Variants in KCNT2 observed in about 807,000 individuals in gnomAD.
KCNT2 encodes potassium channel subfamily T member 2.
A neutral mutation model predicts 153.8 loss-of-function variants in KCNT2; 67 were observed. That is an observed-to-expected ratio of 0.44 (90% CI 0.36 to 0.53). KCNT2 has a LOEUF of 0.53. Ranked by LOEUF, KCNT2 falls within the 20% of genes least tolerant of loss-of-function variation. KCNT2 has a pLI of 0.00. For synonymous variants in KCNT2, 500 were observed against 458.8 expected (o/e 1.09, Z -1.15); for missense variants, 975 against 1,354.8 (o/e 0.72, Z 4.40).
At chr1:196,283,192 C>T (rs184479771) in intron 23 of KCNT2, among the ~76,000 whole-genome samples, 45 of 152,254 alleles carry the variant, frequency 3.0e-4, no homozygotes, top group Admixed American at 1.4e-3. Context: ...GCCTGTAATC[C>T]CAGCACTCTG....
At chr1:196,384,822 T>A (rs1158013915) in intron 13 of KCNT2, among the ~76,000 whole-genome samples, 1 of 152,004 alleles carries the variant, frequency 6.6e-6, no homozygotes, top group Non-Finnish European at 1.5e-5. Flanking sequence ...ATCCCTTGAA[T>A]TAGGCATTTA....
At chr1:196,607,920 C>A (rs1481449685) in intron 1 of KCNT2, among the ~76,000 whole-genome samples, 1 of 152,026 alleles carries the variant, frequency 6.6e-6, no homozygotes, top group African/African-American at 2.4e-5. Flanking sequence ...CTGATACCAG[C>A]CTTATACACA....
At chr1:196,578,894 A>G (rs947933644) in intron 1 of KCNT2, among the ~76,000 whole-genome samples, 1 of 152,150 alleles carries the variant, frequency 6.6e-6, no homozygotes, top group Non-Finnish European at 1.5e-5. Context: ...AGTTTATTAT[A>G]AAGACTTTAT....
At chr1:196,525,959 G>C (rs1654127448) in intron 1 of KCNT2, among the ~76,000 whole-genome samples, 1 of 151,702 alleles carries the variant, frequency 6.6e-6, no homozygotes, top group South Asian at 2.1e-4. Flanking sequence ...ATTCACTAAT[G>C]CAGAGTTGAT....
At chr1:196,280,310 G>A (rs1658975198) in intron 25 of KCNT2, among the ~76,000 whole-genome samples, 1 of 152,134 alleles carries the variant, frequency 6.6e-6, no homozygotes, top group African/African-American at 2.4e-5. Context: ...ACAAGATCAA[G>A]TTTGCTGTTA....
intron 3 of KCNT2, among the ~76,000 whole-genome samples, chr1:196,485,220 C>G (rs1353338971): frequency 1.4e-4 from 21 of 151,974 alleles, no homozygotes; most frequent in Non-Finnish European, 4.4e-5. Context: ...ACCACATATT[C>G]TCACTCATCG....
chr1:196,574,020 G>T (rs890865091), intron 1 of KCNT2, among the ~76,000 whole-genome samples: 1 of 151,830 alleles, frequency 6.6e-6, no homozygotes, highest in African/African-American at 2.4e-5. Flanking sequence ...AAAACCGGAT[G>T]ATAAAGGAAC....
At chr1:196,515,376 A>T (rs1216412503) in intron 1 of KCNT2, among the ~76,000 whole-genome samples, 1 of 152,232 alleles carries the variant, frequency 6.6e-6, no homozygotes, top group African/African-American at 2.4e-5. Context: ...ATAAACTGTG[A>T]AGACTATTAA....
intron 1 of KCNT2, among the ~76,000 whole-genome samples, chr1:196,565,460 A>G (rs527729960): frequency 2.9e-4 from 44 of 151,876 alleles, no homozygotes; most frequent in Middle Eastern, 3.4e-3. Flanking sequence ...AAATAAAATA[A>G]CGTGTTGAAA....
chr1:196,385,748 A>C (rs1669913748), intron 13 of KCNT2, among the ~76,000 whole-genome samples: 1 of 142,816 alleles, frequency 7.0e-6, no homozygotes, highest in South Asian at 2.5e-4. Flanking sequence ...ACCAGTTAGT[A>C]TGGCACCATT....
intron 8 of KCNT2, among the ~76,000 whole-genome samples, chr1:196,438,626 G>A (rs944532952): frequency 2.0e-5 from 3 of 151,858 alleles, no homozygotes; most frequent in Admixed American, 6.6e-5. Context: ...TCTTGGAAAA[G>A]CAGTCAGGGA....
chr1:196,364,407 A>C (rs1306155330), intron 14 of KCNT2, among the ~76,000 whole-genome samples: 1 of 152,196 alleles, frequency 6.6e-6, no homozygotes, highest in Non-Finnish European at 1.5e-5. Context: ...CTTGTAACAC[A>C]AATTTGGCAA....
At chr1:196,548,026 A>C (rs1657354107) in intron 1 of KCNT2, among the ~76,000 whole-genome samples, 2 of 151,928 alleles carry the variant, frequency 1.3e-5, no homozygotes, top group Admixed American at 1.3e-4. Flanking sequence ...TAGAAATTTT[A>C]AGAAATTTTA....
intron 14 of KCNT2, among the ~76,000 whole-genome samples, chr1:196,365,580 T>G (rs1667970535): frequency 6.6e-6 from 1 of 152,196 alleles, no homozygotes; most frequent in African/African-American, 2.4e-5. Context: ...TGCATCCTGT[T>G]ATCTATTTGT....
chr1:196,458,681 T>C (rs11807331), intron 8 of KCNT2, among the ~76,000 whole-genome samples: 50,594 of 151,806 alleles, frequency 0.33, 8,458 homozygotes, highest in Admixed American at 0.39. Flanking sequence ...AGCTTTGGCA[T>C]GTTTTATAAG....
chr1:196,306,783 C>A (rs148702489), intron 21 of KCNT2, among the ~76,000 whole-genome samples: 394 of 151,648 alleles, frequency 2.6e-3, no homozygotes, highest in African/African-American at 9.2e-3. Flanking sequence ...GCCCTCTTGG[C>A]CATTAGCACA....
intron 12 of KCNT2, among the ~76,000 whole-genome samples, chr1:196,408,025 T>C (rs1336191212): frequency 6.6e-6 from 1 of 151,350 alleles, no homozygotes; most frequent in Non-Finnish European, 1.5e-5. Flanking sequence ...ATAAATTCTT[T>C]CTCTGCTCCT....
intron 14 of KCNT2, among the ~76,000 whole-genome samples, chr1:196,361,630 C>T (rs920880403): frequency 6.6e-6 from 1 of 151,972 alleles, no homozygotes; most frequent in Non-Finnish European, 1.5e-5. Context: ...TGATAAAGGG[C>T]GCTTCCCCAC....
chr1:196,427,227 G>T (rs1673735744), intron 10 of KCNT2, among the ~76,000 whole-genome samples: 1 of 151,874 alleles, frequency 6.6e-6, no homozygotes, highest in Admixed American at 6.6e-5. Flanking sequence ...AAATGATTCT[G>T]CCATTTAAGA....
Sources: allele counts gnomAD v4.1 joint callset (sites outside exome capture counted in the v4.1 genomes callset), GRCh38; gene constraint gnomAD v4.1.1; transcripts MANE v1.5; gene names NCBI Gene and HGNC (gene_info 2026-07-23, HGNC 2026-07-21).